ADAMTS20: variants seen among roughly 807,000 people sequenced by gnomAD.
ADAMTS20 encodes the protein ADAM metallopeptidase with thrombospondin type 1 motif 20.
A neutral mutation model predicts 260.1 loss-of-function variants in ADAMTS20; 225 were observed. The ratio of observed to expected loss-of-function variants is 0.87; its 90% CI spans 0.78 to 0.97. ADAMTS20 has a LOEUF of 0.97. Among genes scored for constraint, ADAMTS20 ranks in the 50% least tolerant of loss-of-function variants. The pLI is 0.00. For missense variants in ADAMTS20, 2,400 were observed against 2,337.7 expected (o/e 1.03, Z -0.55); for synonymous variants, 802 against 769.5 (o/e 1.04, Z -0.70).
At position 43,490,449 on chromosome 12, in the gene ADAMTS20, A is replaced by C; in HGVS notation, c.1077-14T>G. On this transcript the variant is annotated splice_polypyrimidine_tract_variant and intron_variant, in intron 6 of 38. Transcript: ENST00000389420. ...CAAATGTCTTCCCTTAAAATAAAAGATTTATTTTGAAGCATTTTTGGAAAA... is the reference window on the plus strand; with the variant it reads ...CAAATGTCTTCCCTTAAAATAAAAGCTTTATTTTGAAGCATTTTTGGAAAA... 7.9e-7 allele frequency: 1 copy of C among 1,262,138 alleles called. No individual in the cohort carries two copies. Among genetic ancestry groups the C allele is most frequent in the African/African-American group, 1.6e-5 (1 of 63,962 alleles). The allele number at this position is 1,262,138 out of a possible 1,614,324, so 78.2% of individuals were successfully genotyped here.
At chr12:43,502,820 G>A (rs1469289549) in intron 3 of ADAMTS20, among the ~76,000 whole-genome samples, 3 of 151,936 alleles carry the variant, frequency 2.0e-5, no homozygotes, top group South Asian at 2.1e-4. Context: ...ATTTTGTAGG[G>A]TGAAACTTCA....
At chr12:43,513,803 T>C (rs1364617833) in intron 3 of ADAMTS20, among the ~76,000 whole-genome samples, 3 of 150,550 alleles carry the variant, frequency 2.0e-5, no homozygotes, top group African/African-American at 7.3e-5. Flanking sequence ...CAGCAAACTA[T>C]TGCAAGGACA....
chr12:43,545,505 T>A, intron 2 of ADAMTS20, among the ~76,000 whole-genome samples: 1 of 152,224 alleles, frequency 6.6e-6, no homozygotes, highest in East Asian at 1.9e-4. Flanking sequence ...CCTTCCTTAA[T>A]TATGTCATTC....
intron 4 of ADAMTS20, among the ~76,000 whole-genome samples, chr12:43,497,858 G>A (rs546428397): frequency 6.6e-6 from 1 of 152,152 alleles, no homozygotes; most frequent in East Asian, 1.9e-4. Context: ...TCTGCAACAG[G>A]ATGAATATTA....
At position 43,377,444 on chromosome 12, in the gene ADAMTS20, A is replaced by G. The variant is rs760488433; in HGVS notation, c.4916T>C (p.Val1639Ala). 1.2e-6 allele frequency: 2 copies of G among 1,613,718 alleles called. No homozygotes were observed. The highest frequency in any genetic ancestry group is 1.7e-5 in the Admixed American group (1 of 59,946). ...TTGGTAAACCTGAGAGGAAGGCACCACAGGGCATTCTTGATAAACTATAGG... is the reference window on the plus strand; with the variant it reads ...TTGGTAAACCTGAGAGGAAGGCACCGCAGGGCATTCTTGATAAACTATAGG... ...LRPIVYQECP[V>A]VPSSQVYQCI... is the part of the protein sequence containing the mutation. The change falls in exon 32 of 39, where the codon GTG becomes GCG. Residue 1639 changes from valine to alanine, a missense_variant. Physicochemically the swap from Val to Ala is moderately conservative, Grantham distance 64. Transcript: ENST00000389420.
At chr12:43,544,267 A>G (rs1291675501) in intron 2 of ADAMTS20, among the ~76,000 whole-genome samples, 9 of 152,246 alleles carry the variant, frequency 5.9e-5, no homozygotes. Flanking sequence ...GTGCCCAAGC[A>G]CTTTAACTAA....
intron 28 of ADAMTS20, among the ~76,000 whole-genome samples, chr12:43,418,979 A>AT (rs1173142452): frequency 6.6e-6 from 1 of 152,184 alleles, no homozygotes; most frequent in Non-Finnish European, 1.5e-5. Flanking sequence ...TTGAAACCAC[A>AT]TATTGAAATA....
intron 8 of ADAMTS20, among the ~76,000 whole-genome samples, chr12:43,467,701 A>G (rs529207206): frequency 6.6e-6 from 1 of 152,164 alleles, no homozygotes; most frequent in South Asian, 2.1e-4. Flanking sequence ...CGACTTCATA[A>G]ACAACTTACA....
chr12:43,472,156 T>C (rs1189144583), intron 7 of ADAMTS20, among the ~76,000 whole-genome samples: 2 of 145,442 alleles, frequency 1.4e-5, no homozygotes, highest in Non-Finnish European at 3.0e-5. Context: ...CTGATGGAGC[T>C]GAAAACCAAG....
At chr12:43,457,007 C>A (rs1941976833) in intron 11 of ADAMTS20, among the ~76,000 whole-genome samples, 1 of 152,156 alleles carries the variant, frequency 6.6e-6, no homozygotes, top group South Asian at 2.1e-4. Flanking sequence ...AATAAGAGAG[C>A]TGAACATACT....
intron 11 of ADAMTS20, among the ~76,000 whole-genome samples, chr12:43,461,456 T>A (rs1942064040): frequency 1.3e-5 from 2 of 152,170 alleles, no homozygotes; most frequent in Admixed American, 6.5e-5. Context: ...CCTAACTGGA[T>A]TTAGAATATT....
At chr12:43,497,212 A>G (rs752097300) in intron 4 of ADAMTS20, among the ~76,000 whole-genome samples, 3 of 152,182 alleles carry the variant, frequency 2.0e-5, no homozygotes, top group Non-Finnish European at 4.4e-5. Context: ...TCTTTCATGG[A>G]TATTTAATGA....
intron 28 of ADAMTS20, among the ~76,000 whole-genome samples, chr12:43,404,306 A>C (rs144702413): frequency 1.3e-5 from 2 of 152,060 alleles, no homozygotes; most frequent in Non-Finnish European, 2.9e-5. Flanking sequence ...AATAATACCA[A>C]CGCACCATGA....
intron 7 of ADAMTS20, among the ~76,000 whole-genome samples, chr12:43,488,384 G>A (rs1311482330): frequency 6.6e-6 from 1 of 152,090 alleles, no homozygotes; most frequent in Non-Finnish European, 1.5e-5. Context: ...TCATCTGTGG[G>A]AGTAGATGAT....
chr12:43,380,568 C>A (rs1173018263), intron 31 of ADAMTS20, among the ~76,000 whole-genome samples: 2 of 151,840 alleles, frequency 1.3e-5, no homozygotes, highest in African/African-American at 4.8e-5. Context: ...ATTAAATCCC[C>A]CAAAAAATTT....
Position 43,377,472 on chromosome 12 carries a change from G to A in ADAMTS20, c.4888C>T (p.Arg1630Trp), listed in dbSNP as rs771488887. Residue 1630 changes from arginine to tryptophan, a missense_variant, in exon 32 of 39, where the codon CGG (arginine) becomes TGG (tryptophan). Coordinates refer to ENST00000389420, the MANE Select transcript of ADAMTS20 (RefSeq NM_025003.5). ...STKKHKLHRL[R>W]PIVYQECPVV... ...GGGCATTCTTGATAAACTATAGGCC[G>A]AAGTCGATGGAGCTTATGTTTCTTA... 1.6e-5 allele frequency: 26 copies of A among 1,613,538 alleles called. No individual in the cohort carries two copies. Among genetic ancestry groups the A allele is most frequent in the South Asian group, 1.1e-5 (1 of 91,040 alleles).
intron 37 of ADAMTS20, among the ~76,000 whole-genome samples, chr12:43,368,338 T>C (rs1940032179): frequency 6.6e-6 from 1 of 152,128 alleles, no homozygotes; most frequent in African/African-American, 2.4e-5. Context: ...GTCTTTTTCA[T>C]GTAACATCAC....
chr12:43,395,677 C>CTTTTTTTTTTTTTTT (rs5797860), intron 29 of ADAMTS20, among the ~76,000 whole-genome samples: 4 of 90,830 alleles, frequency 4.4e-5, no homozygotes, highest in African/African-American at 8.5e-5. Flanking sequence ...GTGTGAGATT[C>CTTTTTTTTTTTTTTT]TTTTTTTTTT....
At chr12:43,360,991 A>T (rs1319154697) in intron 37 of ADAMTS20, among the ~76,000 whole-genome samples, 1 of 152,214 alleles carries the variant, frequency 6.6e-6, no homozygotes, top group Non-Finnish European at 1.5e-5. Context: ...TTTGTTTTTT[A>T]AAAGTTTTTG....
Sources: allele counts gnomAD v4.1 joint callset (sites outside exome capture counted in the v4.1 genomes callset), GRCh38; gene constraint gnomAD v4.1.1; transcripts MANE v1.5; gene names NCBI Gene and HGNC (gene_info 2026-07-23, HGNC 2026-07-21).